FYN: variants seen among roughly 807,000 people sequenced by gnomAD.
The protein encoded by FYN is tyrosine-protein kinase Fyn.
Under a neutral mutation model 70.2 loss-of-function variants are expected in FYN, and 10 were observed. The ratio of observed to expected loss-of-function variants is 0.14; its 90% CI spans 0.09 to 0.24. The LOEUF is 0.24. FYN is among the 10% of genes least tolerant of loss of function. The pLI is 1.00. For synonymous variants in FYN, 236 were observed against 248.6 expected (o/e 0.95, Z 0.48); for missense variants, 319 against 673.1 (o/e 0.47, Z 5.82).
At chr6:111,671,852 A>G (rs535575898) in intron 13 of FYN, among the ~76,000 whole-genome samples, 3 of 152,360 alleles carry the variant, frequency 2.0e-5, no homozygotes, top group South Asian at 4.1e-4. Flanking sequence ...TAATAATCCT[A>G]TAATTGGAAT....
At chr6:111,744,671 C>A (rs1802127886) in intron 3 of FYN, among the ~76,000 whole-genome samples, 1 of 152,150 alleles carries the variant, frequency 6.6e-6, no homozygotes, top group Non-Finnish European at 1.5e-5. Flanking sequence ...GCTTTTACTA[C>A]ACGTCAGTTA....
At chr6:111,685,617 C>T (rs942442470) in intron 12 of FYN, among the ~76,000 whole-genome samples, 2 of 152,172 alleles carry the variant, frequency 1.3e-5, no homozygotes, top group African/African-American at 2.4e-5. Flanking sequence ...GTTCCTTTTG[C>T]CAGCAAAGCA....
chr6:111,752,029 A>G (rs1406680251), intron 3 of FYN, among the ~76,000 whole-genome samples: 1 of 152,230 alleles, frequency 6.6e-6, no homozygotes, highest in African/African-American at 2.4e-5. Flanking sequence ...TATAATATAA[A>G]CAAATATAAG....
At chr6:111,736,861 A>G (rs1280634544) in intron 3 of FYN, among the ~76,000 whole-genome samples, 1 of 152,180 alleles carries the variant, frequency 6.6e-6, no homozygotes, top group Non-Finnish European at 1.5e-5. Flanking sequence ...ATATAGGTTC[A>G]CTGCTAAAAT....
intron 4 of FYN, among the ~76,000 whole-genome samples, chr6:111,715,918 T>C (rs999091385): frequency 6.6e-6 from 1 of 152,240 alleles, no homozygotes; most frequent in African/African-American, 2.4e-5. Context: ...CCACACTTTA[T>C]GTCATCACTA....
intron 6 of FYN, among the ~76,000 whole-genome samples, chr6:111,706,285 T>C (rs1429739537): frequency 6.6e-6 from 1 of 152,234 alleles, no homozygotes; most frequent in Non-Finnish European, 1.5e-5. Context: ...AATCTGTGTG[T>C]GGGAACCATT....
intron 3 of FYN, among the ~76,000 whole-genome samples, chr6:111,764,345 T>C (rs1424628878): frequency 6.6e-6 from 1 of 151,210 alleles, no homozygotes; most frequent in Admixed American, 6.6e-5. Context: ...TGGTGCAGGG[T>C]TGGGGGCCCC....
At position 111,661,596 on chromosome 6, in the gene FYN, T is replaced by C. The variant is rs1347675826; in HGVS notation, c.*143A>G. The C allele has an allele frequency of 1.4e-6, 1 of 726,158 alleles. No homozygotes were observed. The allele number at this position is 726,158 out of a possible 1,614,324, so 45.0% of individuals were successfully genotyped here. ...GGACAAGTGTCATTAATGAGGGCCA[T>C]GGAAGTTCGTCAGCTTCAGAGTCAC... On this transcript the variant is annotated 3_prime_UTR_variant, in exon 14 of 14. Transcript: ENST00000354650. The surrounding 1 kb of genome is among the most constrained non-coding windows in gnomAD (Gnocchi z 4.0).
intron 3 of FYN, among the ~76,000 whole-genome samples, chr6:111,757,514 C>T (rs1802793692): frequency 6.6e-6 from 1 of 152,158 alleles, no homozygotes; most frequent in Non-Finnish European, 1.5e-5. Flanking sequence ...GCAGGAAGTC[C>T]AGGCCTCTGC....
At chr6:111,676,938 G>A (rs1798551312) in intron 12 of FYN, among the ~76,000 whole-genome samples, 1 of 152,102 alleles carries the variant, frequency 6.6e-6, no homozygotes, top group Non-Finnish European at 1.5e-5. Flanking sequence ...TCAGCCAGTT[G>A]CATTAGTCAG....
chr6:111,815,578 T>C (rs1772461343), intron 2 of FYN, among the ~76,000 whole-genome samples: 1 of 152,226 alleles, frequency 6.6e-6, no homozygotes, highest in African/African-American at 2.4e-5. Context: ...AGTCTTAGTA[T>C]GGTTCCATTT....
chr6:111,850,520 T>C (rs751264140), intron 1 of FYN, among the ~76,000 whole-genome samples: 45 of 152,226 alleles, frequency 3.0e-4, no homozygotes, highest in South Asian at 6.2e-4. Context: ...AGCCGTTTGA[T>C]GCAACTTCCA....
intron 1 of FYN, among the ~76,000 whole-genome samples, chr6:111,867,663 C>T (rs935140352): frequency 6.6e-6 from 1 of 152,086 alleles, no homozygotes; most frequent in South Asian, 2.1e-4. Context: ...TACCCCTACA[C>T]CCTGTCTACT....
At chr6:111,862,634 T>G (rs1773994907) in intron 1 of FYN, among the ~76,000 whole-genome samples, 1 of 152,208 alleles carries the variant, frequency 6.6e-6, no homozygotes, top group Non-Finnish European at 1.5e-5. Flanking sequence ...GGGCCAAGTA[T>G]GTCTAGGAGA....
chr6:111,705,384 C>CTTTT (rs879920621), intron 6 of FYN, among the ~76,000 whole-genome samples: 16 of 138,150 alleles, frequency 1.2e-4, no homozygotes, highest in Non-Finnish European at 1.1e-4. Flanking sequence ...TCTTCTTCTT[C>CTTTT]TTTTTTTTTT....
chr6:111,740,644 T>C (rs1047358147), intron 3 of FYN, among the ~76,000 whole-genome samples: 2 of 152,248 alleles, frequency 1.3e-5, no homozygotes, highest in African/African-American at 4.8e-5. Flanking sequence ...CCCTGGCCTA[T>C]GTGTCTAGCC....
intron 7 of FYN, 79 bp from the exon 8 acceptor site, chr6:111,703,113 T>TG: frequency 1.5e-6 from 2 of 1,350,842 alleles, no homozygotes; most frequent in Non-Finnish European, 2.1e-6. Context: ...TTCTTGACTC[T>TG]GATTAATAAT....
intron 12 of FYN, chr6:111,676,383 T>C (rs1298104188): frequency 6.6e-6 from 1 of 152,250 alleles, no homozygotes; most frequent in African/African-American, 2.4e-5. Context: ...TAATTAGTTA[T>C]GTTTCTCAGG....
intron 2 of FYN, among the ~76,000 whole-genome samples, chr6:111,817,666 G>C (rs1352495730): frequency 6.6e-6 from 1 of 152,150 alleles, no homozygotes; most frequent in Non-Finnish European, 1.5e-5. Flanking sequence ...ATCATCAATG[G>C]ACTCCATCTG....
Sources: gnomAD v4.1 joint callset for allele counts (sites outside exome capture counted in the v4.1 genomes callset) on GRCh38, gnomAD v4.1.1 for gene constraint, Gnocchi (gnomAD v3.1) non-coding constraint, MANE v1.5 for transcripts, NCBI Gene and HGNC (gene_info 2026-07-23, HGNC 2026-07-21) for gene names.